Variants in LENG1 observed in about 807,000 individuals in gnomAD.
LENG1 encodes leukocyte receptor cluster member 1.
A neutral mutation model predicts 28.8 loss-of-function variants in LENG1; 35 were observed. That is an observed-to-expected ratio of 1.22 (90% CI 0.93 to 1.61). The LOEUF is 1.61. Ranked by LOEUF, LENG1 falls within the 40% of genes most tolerant of loss-of-function variation. The pLI, the probability that LENG1 is intolerant of heterozygous loss-of-function variation, is 0.00. For synonymous variants in LENG1, 170 were observed against 140.6 expected (o/e 1.21, Z -1.48); for missense variants, 404 against 348.9 (o/e 1.16, Z -1.26).
chr19:54,155,662 G>T lies in LENG1; in HGVS notation c.*59C>A. On this transcript the variant is annotated 3_prime_UTR_variant, in exon 4 of 4. Transcript: ENST00000222224. ...TATTTTCATTTTGGAAAATATTTAT[G>T]AATAAATAGTTTTATATGACGGCTG... is the stretch of plus-strand genomic sequence containing the variant. 7.1e-7 allele frequency: 1 copy of T among 1,410,724 alleles called. No individual in the cohort carries two copies. Among genetic ancestry groups the T allele is most frequent in the South Asian group, 1.3e-5 (1 of 76,714 alleles). The allele number at this position is 1,410,724 out of a possible 1,614,324, so 87.4% of individuals were successfully genotyped here. A position where few individuals can be genotyped will look rare whatever the true frequency, so the allele number is the denominator to read the frequency against.
At chr19:54,158,229 TC>T (rs1244364377) in intron 2 of LENG1, 52 bp downstream of exon 2, 11 of 1,529,770 alleles carry the variant, frequency 7.2e-6, no homozygotes, top group African/African-American at 1.4e-5. Flanking sequence ...AAGTGCCCCC[TC>T]CCTCCAACTC....
Position 54,155,188 on chromosome 19 carries a change from G to A in LENG1, c.*533C>T. The A allele has an allele frequency of 8.7e-7, 1 of 1,153,276 alleles. No homozygotes were observed. Among genetic ancestry groups the A allele is most frequent in the Non-Finnish European group, 1.2e-6 (1 of 811,314 alleles). The allele number at this position is 1,153,276 out of a possible 1,614,324, so 71.4% of individuals were successfully genotyped here. On this transcript the variant is annotated 3_prime_UTR_variant, in exon 4 of 4. Coordinates refer to ENST00000222224, the MANE Select transcript of LENG1 (RefSeq NM_024316.3). ...ATGGATGAGAGTGTGTGCGTGCAGGGCAGCTGGCCCGGTGCCTGACACATC... is the reference window on the plus strand; with the variant it reads ...ATGGATGAGAGTGTGTGCGTGCAGGACAGCTGGCCCGGTGCCTGACACATC...
At chr19:54,157,105 G>C in intron 2 of LENG1, 80 bp from the exon 3 acceptor site, 1 of 1,197,490 alleles carries the variant, frequency 8.4e-7, no homozygotes, top group Non-Finnish European at 1.1e-6. Flanking sequence ...AGGTATCTAA[G>C]CGAACAGGTA....
At chr19:54,159,464 G>A (rs561545837) in intron 1 of LENG1, 100 bp downstream of exon 1, 6 of 1,256,074 alleles carry the variant, frequency 4.8e-6, no homozygotes, top group South Asian at 4.8e-5. Flanking sequence ...AATTTCACAC[G>A]GGGCACATTG....
At chr19:54,159,100 T>C (rs931542624) in intron 1 of LENG1, among the ~76,000 whole-genome samples, 1 of 152,212 alleles carries the variant, frequency 6.6e-6, no homozygotes, top group African/African-American at 2.4e-5. Flanking sequence ...TTCCCCTCAC[T>C]GAAGCCATCT....
At chr19:54,158,133 C>G in intron 2 of LENG1, 149 bp downstream of exon 2, 2 of 779,774 alleles carry the variant, frequency 2.6e-6, no homozygotes, top group Non-Finnish European at 4.2e-6. Context: ...ACGGCAATAG[C>G]CAACGCTTTT....
chr19:54,159,370 G>A (rs1039983363), intron 1 of LENG1, among the ~76,000 whole-genome samples, 194 bp downstream of exon 1: 4 of 152,238 alleles, frequency 2.6e-5, no homozygotes, highest in Non-Finnish European at 4.4e-5. Flanking sequence ...CTAAGACGAG[G>A]GCGAGATCAA....
Position 54,157,028 on chromosome 19 carries a change from G to A in LENG1, c.313-3C>T. ...CCCAGAGCTTTCTCTTGCCTCTCCT[G>A]AGGGGGCCAGGAAATACAAGAGATG... On this transcript the variant is annotated splice_polypyrimidine_tract_variant and splice_region_variant and intron_variant, in intron 2 of 3. Transcript: ENST00000222224. 6.6e-7 allele frequency: 1 copy of A among 1,525,914 alleles called. No individual in the cohort carries two copies. Among genetic ancestry groups the A allele is most frequent in the Non-Finnish European group, 8.8e-7 (1 of 1,136,956 alleles). 94.5% of individuals were successfully genotyped at this position (1,525,914 alleles called of 1,614,324 possible). A position where few individuals can be genotyped will look rare whatever the true frequency, so the allele number is the denominator to read the frequency against.
chr19:54,156,702 C>T, intron 3 of LENG1, 61 bp downstream of exon 3: 1 of 1,528,806 alleles, frequency 6.5e-7, no homozygotes, highest in Non-Finnish European at 8.8e-7. Context: ...AGTGCCCATG[C>T]TGGGCTGCTG....
intron 3 of LENG1, among the ~76,000 whole-genome samples, chr19:54,156,470 G>GT (rs2075388781): frequency 6.6e-6 from 1 of 152,198 alleles, no homozygotes; most frequent in Non-Finnish European, 1.5e-5. Flanking sequence ...GGCCATCAGA[G>GT]TGAGGGTGTC....
Position 54,156,900 on chromosome 19 carries a change from T to TG in LENG1, c.437dup (p.Asp147ArgfsTer2). 1 of 680,772 alleles carries TG rather than the reference T, an allele frequency of 1.5e-6. No individual in the cohort carries two copies. The allele number at this position is 680,772 out of a possible 1,614,324, so 42.2% of individuals were successfully genotyped here. ...CCAGACGGCTCTTGATCTTCTCATC[T>TG]GGGGCTGGGCCGGGCGGGGGGCCCC... On this transcript the variant is annotated frameshift_variant, in exon 3 of 4. Coordinates refer to ENST00000222224, the MANE Select transcript of LENG1 (RefSeq NM_024316.3). LOFTEE classifies it high-confidence loss of function.
rs776291421 is a variant in LENG1 at position 54,155,439 on chromosome 19, C to T, written c.*282G>A. On this transcript the variant is annotated 3_prime_UTR_variant, in exon 4 of 4. Transcript: ENST00000222224. ...CCCCTCCCTCTACCCACCCCCTTCC[C>T]CCGCATGCTGATCCCCCTGCCCAGG... 7.4e-5 allele frequency: 106 copies of T among 1,435,634 alleles called. No homozygotes were observed. Among genetic ancestry groups the T allele is most frequent in the Non-Finnish European group, 9.9e-5 (103 of 1,043,172 alleles). 88.9% of individuals were successfully genotyped at this position (1,435,634 alleles called of 1,614,324 possible). A position where few individuals can be genotyped will look rare whatever the true frequency, so the allele number is the denominator to read the frequency against.
chr19:54,159,538 GCCGC>G (rs1568712772), intron 1 of LENG1, 22 bp downstream of exon 1: 22 of 1,515,316 alleles, frequency 1.5e-5, no homozygotes, highest in Middle Eastern at 2.2e-4. Flanking sequence ...GCCCCGGAGC[GCCGC>G]CCTGCCGGCT....
chr19:54,156,898 T>A lies in LENG1; in HGVS notation c.440A>T (p.Asp147Val). Residue 147 changes from aspartate (D) to valine (V), a missense_variant, in exon 3 of 4, where the codon GAT becomes GTT. By Grantham distance (152) the Asp-to-Val change is radical (BLOSUM62 -3). Coordinates refer to ENST00000222224, the MANE Select transcript of LENG1 (RefSeq NM_024316.3). ...GTCCAGACGGCTCTTGATCTTCTCA[T>A]CTGGGGCTGGGCCGGGCGGGGGGCC... ...RGGPPPGPAPDEKIKSRLDPL... is the reference protein window; with the variant it reads ...RGGPPPGPAPVEKIKSRLDPL... 2.9e-6 allele frequency: 4 copies of A among 1,369,354 alleles called. No individual in the cohort carries two copies. The highest frequency in any genetic ancestry group is 4.1e-6 in the Non-Finnish European group (4 of 983,820). 84.8% of individuals were successfully genotyped at this position (1,369,354 alleles called of 1,614,324 possible).
intron 3 of LENG1, 126 bp downstream of exon 3, chr19:54,156,637 C>T: frequency 2.0e-6 from 2 of 1,009,506 alleles, no homozygotes; most frequent in East Asian, 5.1e-5. Context: ...AGAACCACTT[C>T]TCCACCTAGC....
Position 54,159,713 on chromosome 19 carries a change from G to A in LENG1, c.-18C>T. On this transcript the variant is annotated 5_prime_UTR_variant, in exon 1 of 4. Coordinates refer to ENST00000222224, the MANE Select transcript of LENG1 (RefSeq NM_024316.3). ...ATATTCATGGCGTCGTAGCTGTCCA[G>A]GGACTGGCACGCCCGCCTCTTTGCA... is the stretch of plus-strand genomic sequence containing the variant. 1.9e-6 allele frequency: 3 copies of A among 1,568,126 alleles called. No homozygotes were observed. Among genetic ancestry groups the A allele is most frequent in the South Asian group, 1.2e-5 (1 of 82,066 alleles).
chr19:54,155,291 G>A lies in LENG1; in HGVS notation c.*430C>T, dbSNP rs562950117. On this transcript the variant is annotated 3_prime_UTR_variant, in exon 4 of 4. Transcript: ENST00000222224. ...CCACCTCCTCGTCCACTCACTGACC[G>A]CCTTCTCCCCCGGCCAGGGCACCTA... 32 of 1,612,154 alleles carry A rather than the reference G, an allele frequency of 2.0e-5. No individual in the cohort carries two copies. In the East Asian group the frequency reaches 2.7e-4, roughly 13 times the overall value.
At chr19:54,156,485 C>T (rs544258701) in intron 3 of LENG1, among the ~76,000 whole-genome samples, 29 of 152,190 alleles carry the variant, frequency 1.9e-4, no homozygotes, top group Non-Finnish European at 3.4e-4. Context: ...GGTGTCTCCC[C>T]ATCACACAGC....
rs1469191689 is a variant in LENG1, at chr19:54,156,855, C to A, written c.483G>T (p.Gln161His). The A allele has an allele frequency of 3.1e-6, 5 of 1,611,006 alleles. No homozygotes were observed. The highest frequency in any genetic ancestry group is 1.3e-5 in the African/African-American group (1 of 74,774). Residue 161 changes from glutamine (Q) to histidine (H), a missense_variant, in exon 3 of 4, where the codon CAG (glutamine) becomes CAT (histidine). Physicochemically the swap from Gln to His is conservative, Grantham distance 24 (BLOSUM62 0). Coordinates refer to ENST00000222224, the MANE Select transcript of LENG1 (RefSeq NM_024316.3). The part of the protein sequence containing the change: ...KSRLDPLREM[Q>H]KHLGKKRQHG... ...GCTGTCTCTTCTTCCCCAGATGCTT[C>A]TGCATCTCCCGCAGAGGGTCCAGAC...
Sources: gnomAD v4.1 joint callset for allele counts (sites outside exome capture counted in the v4.1 genomes callset) on GRCh38, gnomAD v4.1.1 for gene constraint, MANE v1.5 for transcripts, NCBI Gene and HGNC (gene_info 2026-07-23, HGNC 2026-07-21) for gene names.